TMEM150C: variants seen among roughly 807,000 people sequenced by gnomAD.
TMEM150C encodes the protein tentonin 3.
Under a neutral mutation model 29.9 loss-of-function variants are expected in TMEM150C, and 10 were observed. The observed-to-expected ratio is 0.33, with a 90% confidence interval of 0.21 to 0.57. The LOEUF is 0.57. Among genes scored for constraint, TMEM150C ranks in the 20% least tolerant of loss-of-function variants. The probability of loss-of-function intolerance (pLI) is 0.88; values close to 1 mark genes in which losing one functional copy is unlikely to be tolerated. For synonymous variants in TMEM150C, 101 were observed against 112.5 expected, an observed-to-expected ratio of 0.90 and a Z score of 0.64; for missense variants, 251 against 303.6, an observed-to-expected ratio of 0.83 and a Z score of 1.29.
rs142572336 is a variant in TMEM150C, at chr4:82,543,069, T to C, written c.-11+18837A>G. Among the ~76,000 whole-genome samples, 479 of 152,270 alleles carry C rather than the reference T, an allele frequency of 3.1e-3. 7 individuals are homozygous for C. Among genetic ancestry groups the C allele is most frequent in the African/African-American group, 0.011 (444 of 41,538 alleles). On this transcript the variant is annotated intron_variant, in intron 1 of 7. Transcript: ENST00000449862. The stretch of plus-strand genomic sequence containing the variant: ...TAGGAGGTAGGTACTAGCATCCACT[T>C]TTACAGATGCACAAAAGTAATAACC...
intron 5 of TMEM150C, among the ~76,000 whole-genome samples, chr4:82,499,162 G>C (rs1394114608): frequency 6.6e-6 from 1 of 152,140 alleles, no homozygotes; most frequent in African/African-American, 2.4e-5. Context: ...CTGTTATGAA[G>C]TCCATTTTCA....
At chr4:82,505,853 AAACATAAAGAAAT>A (rs1228732381) in intron 1 of TMEM150C, among the ~76,000 whole-genome samples, 6 of 152,236 alleles carry the variant, frequency 3.9e-5, no homozygotes, top group Admixed American at 3.9e-4. Flanking sequence ...TATCAGTATT[AAACATAAAGAAAT>A]AACTATCACT....
chr4:82,552,991 G>C (rs1207535773), intron 1 of TMEM150C, among the ~76,000 whole-genome samples: 1 of 152,192 alleles, frequency 6.6e-6, no homozygotes, highest in Non-Finnish European at 1.5e-5. Context: ...TGTTCCATCT[G>C]AAACTGCTGT....
intron 1 of TMEM150C, among the ~76,000 whole-genome samples, chr4:82,535,968 A>G (rs1578147587): frequency 6.6e-6 from 1 of 152,072 alleles, no homozygotes; most frequent in Non-Finnish European, 1.5e-5. Context: ...ATCTCCTGAC[A>G]TTGTCAAATG....
intron 1 of TMEM150C, among the ~76,000 whole-genome samples, chr4:82,556,439 C>T (rs1025588009): frequency 7.2e-5 from 11 of 152,204 alleles, no homozygotes; most frequent in Non-Finnish European, 1.3e-4. Context: ...AATGCTGATC[C>T]TAACCTGCTC....
chr4:82,495,669 A>G (rs373079093), intron 6 of TMEM150C: 93 of 294,088 alleles, frequency 3.2e-4, no homozygotes, highest in African/African-American at 2.0e-3. Context: ...GGGCATGGCC[A>G]TGGGTCAAGA....
At chr4:82,488,036 C>A (rs954570809) in intron 7 of TMEM150C, among the ~76,000 whole-genome samples, 2 of 152,072 alleles carry the variant, frequency 1.3e-5, no homozygotes, top group Non-Finnish European at 2.9e-5. Context: ...GTGCACCCAC[C>A]ACCCAAGCAG....
At chr4:82,557,358 G>T (rs1725766045) in intron 1 of TMEM150C, among the ~76,000 whole-genome samples, 1 of 152,296 alleles carries the variant, frequency 6.6e-6, no homozygotes, top group Non-Finnish European at 1.5e-5. Flanking sequence ...GGCTTCAGCT[G>T]CTCCTGGAGC....
chr4:82,499,315 C>T (rs1723653617), intron 5 of TMEM150C, among the ~76,000 whole-genome samples: 1 of 152,162 alleles, frequency 6.6e-6, no homozygotes, highest in Non-Finnish European at 1.5e-5. Context: ...TTAGATTTCA[C>T]TAACAGTTTC....
chr4:82,560,467 C>A (rs1725883907), intron 1 of TMEM150C, among the ~76,000 whole-genome samples: 1 of 152,162 alleles, frequency 6.6e-6, no homozygotes, highest in African/African-American at 2.4e-5. Context: ...CATTAAAATT[C>A]CTACGCTTAT....
At chr4:82,541,559 T>A (rs1289771685) in intron 1 of TMEM150C, among the ~76,000 whole-genome samples, 1 of 152,230 alleles carries the variant, frequency 6.6e-6, no homozygotes, top group Non-Finnish European at 1.5e-5. Context: ...AACTTCAGTA[T>A]TAGATGATAT....
intron 6 of TMEM150C, chr4:82,491,322 C>A: frequency 1.5e-6 from 1 of 667,438 alleles, no homozygotes. Context: ...TGGTCTGTAC[C>A]TGTGGGCTAG....
intron 2 of TMEM150C, 85 bp downstream of exon 2, chr4:82,504,493 G>T: frequency 8.9e-7 from 1 of 1,128,164 alleles, no homozygotes; most frequent in Non-Finnish European, 1.3e-6. Context: ...GAGCCACCGT[G>T]CCCGGCTGCC....
intron 5 of TMEM150C, among the ~76,000 whole-genome samples, chr4:82,497,167 C>T (rs1723583893): frequency 6.6e-6 from 1 of 151,788 alleles, no homozygotes; most frequent in Non-Finnish European, 1.5e-5. Flanking sequence ...CTTTTTTTTG[C>T]CTAGTGCAGA....
intron 1 of TMEM150C, among the ~76,000 whole-genome samples, chr4:82,556,983 G>A (rs1421505809): frequency 6.6e-6 from 1 of 152,142 alleles, no homozygotes; most frequent in African/African-American, 2.4e-5. Context: ...TTCCAGAGGA[G>A]GGGAACCCCC....
intron 6 of TMEM150C, chr4:82,491,784 G>A (rs1489556658): frequency 1.8e-5 from 6 of 330,656 alleles, no homozygotes; most frequent in Non-Finnish European, 3.3e-5. Flanking sequence ...TTACAGGCGT[G>A]AGCCATCAAT....
intron 1 of TMEM150C, among the ~76,000 whole-genome samples, chr4:82,554,873 T>G (rs1403092072): frequency 6.6e-6 from 1 of 152,174 alleles, no homozygotes; most frequent in African/African-American, 2.4e-5. Flanking sequence ...ATTCCACAGA[T>G]AGAGTCTGGA....
rs567709846 is a variant in TMEM150C at position 82,503,622 on chromosome 4, G to A, written c.81-510C>T. Among the ~76,000 whole-genome samples the A allele has an allele frequency of 1.2e-3, 179 of 152,176 alleles. 2 individuals are homozygous for A. Among genetic ancestry groups the A allele is most frequent in the Non-Finnish European group, 2.1e-3 (145 of 68,002 alleles). The stretch of plus-strand genomic sequence containing the variant: ...TCCCAGCACTTTGGGAGGCCGAGGC[G>A]GGCAGATCACGAGGTCAGGAGATCG... On this transcript the variant is annotated intron_variant, in intron 2 of 7. Coordinates refer to ENST00000449862, the MANE Select transcript of TMEM150C (RefSeq NM_001080506.3).
chr4:82,492,827 T>C (rs1279112654), intron 6 of TMEM150C, among the ~76,000 whole-genome samples: 1 of 131,818 alleles, frequency 7.6e-6, no homozygotes, highest in Non-Finnish European at 1.6e-5. Context: ...AGTCTATCCA[T>C]ATCCACATCT....
Sources: gnomAD v4.1 joint callset for allele counts (sites outside exome capture counted in the v4.1 genomes callset) on GRCh38, gnomAD v4.1.1 for gene constraint, MANE v1.5 for transcripts, NCBI Gene and HGNC (gene_info 2026-07-23, HGNC 2026-07-21) for gene names.